The following STIL variants were observed in gnomAD, a reference collection of about 807,000 sequenced individuals.
STIL encodes the protein SCL-interrupting locus protein.
In STIL, 55 loss-of-function variants were observed where a neutral mutation model predicts 110.1. That is an observed-to-expected ratio of 0.50 (90% CI 0.40 to 0.63). The LOEUF is 0.63. STIL is among the 20% of genes least tolerant of loss of function. The pLI is 0.00. For missense variants in STIL, 1,358 were observed against 1,530.0 expected, an observed-to-expected ratio of 0.89 and a Z score of 1.87; for synonymous variants, 481 against 530.0, an observed-to-expected ratio of 0.91 and a Z score of 1.27.
intron 16 of STIL, 58 bp from the exon 17 acceptor site, chr1:47,251,980 T>C: frequency 6.5e-7 from 1 of 1,528,534 alleles, no homozygotes; most frequent in South Asian, 1.2e-5. Flanking sequence ...TACATAGTTC[T>C]CAATGTGTTC....
chr1:47,293,511 AG>A lies in STIL; in HGVS notation c.818del (p.Pro273LeufsTer29), dbSNP rs1187195595. The stretch of plus-strand genomic sequence containing the variant: ...ATCGCAAACAGCAAGCCCATACCTG[AG>A]GACTATAGATATGTGTAATTCCAGA... ...WLSGITHIYS[P>X]QVWACCLRYI... On this transcript the variant is annotated frameshift_variant, in exon 8 of 17. Transcript: ENST00000371877. LOFTEE classifies it high-confidence loss of function. 6.2e-7 allele frequency: 1 copy of A among 1,613,256 alleles called. No homozygotes were observed. Among genetic ancestry groups the A allele is most frequent in the Non-Finnish European group, 8.5e-7 (1 of 1,179,554 alleles).
intron 5 of STIL, 106 bp from the exon 6 acceptor site, chr1:47,300,258 T>C: frequency 9.1e-7 from 1 of 1,100,496 alleles, no homozygotes; most frequent in East Asian, 2.6e-5. Flanking sequence ...CTTGCACAAA[T>C]AAAATTAAAT....
intron 14 of STIL, among the ~76,000 whole-genome samples, chr1:47,264,711 C>T (rs1482737324): frequency 6.6e-6 from 1 of 152,026 alleles, no homozygotes; most frequent in Non-Finnish European, 1.5e-5. Context: ...AACCAGAGCA[C>T]GAATCAGACC....
At chr1:47,261,964 C>T (rs1363340131) in intron 15 of STIL, among the ~76,000 whole-genome samples, 2 of 151,496 alleles carry the variant, frequency 1.3e-5, no homozygotes, top group Non-Finnish European at 2.9e-5. Flanking sequence ...AGGACTTATG[C>T]TAAATTTTTT....
chr1:47,281,283 G>C (rs925694422), intron 11 of STIL, 74 bp from the exon 12 acceptor site: 1 of 1,395,826 alleles, frequency 7.2e-7, no homozygotes, highest in Non-Finnish European at 9.7e-7. Context: ...CCTCAGACCA[G>C]TATTTCCCAA....
chr1:47,293,159 T>G (rs991889189), intron 8 of STIL, among the ~76,000 whole-genome samples: 1 of 152,202 alleles, frequency 6.6e-6, no homozygotes, highest in Non-Finnish European at 1.5e-5. Context: ...GTTAACCTCC[T>G]TAATTATTAA....
At chr1:47,284,625 C>G (rs1570174290) in intron 10 of STIL, among the ~76,000 whole-genome samples, 1 of 152,272 alleles carries the variant, frequency 6.6e-6, no homozygotes, top group Non-Finnish European at 1.5e-5. Context: ...TGAGGTGACA[C>G]AAGCCTGTAA....
chr1:47,291,767 T>C lies in STIL; in HGVS notation c.872+1691A>G, dbSNP rs557159614. Among the ~76,000 whole-genome samples, 15 of 152,264 alleles carry C rather than the reference T, an allele frequency of 9.9e-5. No homozygotes were observed. In the East Asian group the frequency reaches 2.5e-3, roughly 26 times the overall value. ...TTTTAGTAGAGATGGGGTTTCACCA[T>C]GTTGGCCAAGCTGGTCTCTAATTCC... On this transcript the variant is annotated intron_variant, in intron 8 of 16. Coordinates refer to ENST00000371877, the MANE Select transcript of STIL (RefSeq NM_001048166.1).
intron 8 of STIL, among the ~76,000 whole-genome samples, chr1:47,291,514 C>T (rs1309185491): frequency 6.6e-6 from 1 of 151,950 alleles, no homozygotes. Context: ...GTACTCATCG[C>T]CTTTTAACAT....
intron 15 of STIL, 129 bp downstream of exon 15, chr1:47,262,774 C>A: frequency 1.3e-6 from 1 of 778,716 alleles, no homozygotes; most frequent in East Asian, 2.7e-5. Context: ...AGAAAAATTA[C>A]ATTGTTAATT....
At chr1:47,290,748 C>A (rs1471652722) in intron 8 of STIL, among the ~76,000 whole-genome samples, 1 of 151,308 alleles carries the variant, frequency 6.6e-6, no homozygotes, top group Non-Finnish European at 1.5e-5. Context: ...AGAAAAATGG[C>A]TAAAGACATG....
intron 12 of STIL, 112 bp downstream of exon 12, chr1:47,280,129 C>G: frequency 6.9e-7 from 1 of 1,440,160 alleles, no homozygotes; most frequent in Non-Finnish European, 9.6e-7. Flanking sequence ...AAGGTCCCTC[C>G]TAATTCTGAC....
chr1:47,268,407 T>C (rs1417853813), intron 14 of STIL, among the ~76,000 whole-genome samples: 1 of 151,756 alleles, frequency 6.6e-6, no homozygotes, highest in Non-Finnish European at 1.5e-5. Flanking sequence ...GACAGTGCCA[T>C]TGCACTCCAG....
In STIL at chr1:47,260,338, C is replaced by A; in HGVS notation, c.3031G>T (p.Asp1011Tyr). Residue 1011 changes from aspartate (D) to tyrosine (Y), a missense_variant, in exon 16 of 17, where the codon GAT becomes TAT. Asp to Tyr is a radical substitution (Grantham distance 160). Transcript: ENST00000371877. ...TTTTTCTTCACTTTAGTGGGAGAAT[C>A]AATTTTTACTCCAAGGCTTCTTAGT... is the stretch of plus-strand genomic sequence containing the variant. ...KQLRSLGVKI[D>Y]SPTKVKKNAH... is the part of the protein sequence containing the mutation. The A allele has an allele frequency of 1.9e-6, 3 of 1,614,090 alleles. No individual in the cohort carries two copies. The highest frequency in any genetic ancestry group is 1.7e-6 in the Non-Finnish European group (2 of 1,180,014).
chr1:47,256,321 T>G (rs748420810), intron 16 of STIL, among the ~76,000 whole-genome samples: 1 of 152,088 alleles, frequency 6.6e-6, no homozygotes, highest in Non-Finnish European at 1.5e-5. Flanking sequence ...GCAATGAGGA[T>G]TTAGAACTAT....
At chr1:47,304,171 T>A (rs1557772841) in intron 3 of STIL, among the ~76,000 whole-genome samples, 1 of 151,806 alleles carries the variant, frequency 6.6e-6, no homozygotes, top group Non-Finnish European at 1.5e-5. Flanking sequence ...TTATTTTGTT[T>A]TTTTTTTTAC....
intron 14 of STIL, among the ~76,000 whole-genome samples, chr1:47,268,989 C>CT (rs1391940279): frequency 3.0e-3 from 318 of 105,658 alleles, no homozygotes; most frequent in African/African-American, 8.3e-3. Flanking sequence ...CCCAGCTACA[C>CT]GGGAGGCAGG....
chr1:47,311,733 T>C (rs977600783), intron 1 of STIL, among the ~76,000 whole-genome samples: 6 of 152,168 alleles, frequency 3.9e-5, no homozygotes, highest in Non-Finnish European at 8.8e-5. Flanking sequence ...CTGCACATTC[T>C]GTATCAATTC....
At chr1:47,290,900 C>T (rs1417556085) in intron 8 of STIL, among the ~76,000 whole-genome samples, 9 of 152,164 alleles carry the variant, frequency 5.9e-5, no homozygotes, top group Non-Finnish European at 1.3e-4. Context: ...CCCCTTCCTT[C>T]ACTCCTCTCT....
Sources: gnomAD v4.1 joint callset for allele counts (sites outside exome capture counted in the v4.1 genomes callset) on GRCh38, gnomAD v4.1.1 for gene constraint, MANE v1.5 for transcripts, NCBI Gene and HGNC (gene_info 2026-07-23, HGNC 2026-07-21) for gene names.